TBX15: variants seen among roughly 807,000 people sequenced by gnomAD.
TBX15 encodes the protein T-box transcription factor TBX15.
In TBX15, 18 loss-of-function variants were observed where a neutral mutation model predicts 53.9. The observed-to-expected ratio is 0.33, with a 90% confidence interval of 0.23 to 0.49. The LOEUF is 0.49. Ranked by LOEUF, TBX15 falls within the 20% of genes least tolerant of loss-of-function variation. The pLI, the probability that TBX15 is intolerant of heterozygous loss-of-function variation, is 0.98. For synonymous variants in TBX15, 295 were observed against 278.0 expected, an observed-to-expected ratio of 1.06 and a Z score of -0.61; for missense variants, 692 against 749.5, an observed-to-expected ratio of 0.92 and a Z score of 0.90.
chr1:118,914,726 T>C (rs991705099), intron 5 of TBX15, among the ~76,000 whole-genome samples: 2 of 152,176 alleles, frequency 1.3e-5, no homozygotes, highest in Non-Finnish European at 2.9e-5. Context: ...TAGAAATTAT[T>C]CATTTAATGA....
intron 1 of TBX15, among the ~76,000 whole-genome samples, chr1:118,981,303 TACACACACACAC>T (rs35594301): frequency 2.0e-5 from 3 of 146,726 alleles, no homozygotes; most frequent in African/African-American, 7.6e-5. Context: ...TTAAACTAGC[TACACACACACAC>T]ACACACACAC....
chr1:118,908,104 T>G (rs1370271105), intron 6 of TBX15, among the ~76,000 whole-genome samples: 1 of 152,174 alleles, frequency 6.6e-6, no homozygotes, highest in Non-Finnish European at 1.5e-5. Context: ...TTATGTGGTG[T>G]TCAAAACTAG....
At chr1:118,978,767 T>A (rs150690058) in intron 1 of TBX15, among the ~76,000 whole-genome samples, 3 of 152,328 alleles carry the variant, frequency 2.0e-5, no homozygotes, top group African/African-American at 7.2e-5. Flanking sequence ...GCAAGTTTGT[T>A]TATACCTTTA....
intron 1 of TBX15, among the ~76,000 whole-genome samples, chr1:118,935,181 A>G (rs1447505923): frequency 1.3e-5 from 2 of 152,184 alleles, no homozygotes; most frequent in Non-Finnish European, 2.9e-5. Context: ...TGTAAAATAC[A>G]TTTCTAAATC....
chr1:118,885,184 G>C lies in TBX15; in HGVS notation c.1357C>G (p.Pro453Ala). 1 of 1,614,198 alleles carries C rather than the reference G, an allele frequency of 6.2e-7. No homozygotes were observed. Among genetic ancestry groups the C allele is most frequent in the Non-Finnish European group, 8.5e-7 (1 of 1,180,024 alleles). ...TPSLISGIPT[P>A]PSLPGNSKME... ...TTGCTGTTGCCAGGCAACGAGGGAG[G>C]AGTTGGTATTCCTGAGATCAGGGAT... The change falls in exon 8 of 8, where the codon CCT becomes GCT. Residue 453 changes from proline (P) to alanine (A), a missense_variant. Physicochemically the swap from Pro to Ala is conservative, Grantham distance 27. This residue lies in a region of TBX15 where 375 missense variants were observed against 371.6 expected (regional missense o/e 1.01). Coordinates refer to ENST00000369429, the MANE Select transcript of TBX15 (RefSeq NM_001330677.2).
intron 7 of TBX15, 109 bp from the exon 8 acceptor site, chr1:118,885,625 G>C (rs910722916): frequency 7.4e-7 from 1 of 1,345,396 alleles, no homozygotes; most frequent in African/African-American, 1.4e-5. Context: ...AGATAGGGCT[G>C]ATTTTTACAG....
At chr1:118,951,649 T>TCAACA (rs555489574) in intron 1 of TBX15, among the ~76,000 whole-genome samples, 3,308 of 152,292 alleles carry the variant, frequency 0.022, 62 homozygotes, top group Non-Finnish European at 0.035. Context: ...TTGCAACATC[T>TCAACA]TATTGTTCCT....
At chr1:118,924,264 A>G (rs950570401) in intron 4 of TBX15, among the ~76,000 whole-genome samples, 7 of 152,138 alleles carry the variant, frequency 4.6e-5, no homozygotes, top group African/African-American at 1.7e-4. Flanking sequence ...ATTCTTGACA[A>G]ATTAGCTGAA....
Position 118,909,007 on chromosome 1 carries a change from G to T in TBX15, c.926+5108C>A, listed in dbSNP as rs544387802. Reference sequence around the variant, plus strand: ...CTTAATTACTTGGTAATGGAAAGTAGCAGTTCCATAAGTCAAGTCTGAAGG... The same window carrying T: ...CTTAATTACTTGGTAATGGAAAGTATCAGTTCCATAAGTCAAGTCTGAAGG... On this transcript the variant is annotated intron_variant, in intron 6 of 7. Transcript: ENST00000369429. Among the ~76,000 whole-genome samples, 10 of 152,190 alleles carry T rather than the reference G, an allele frequency of 6.6e-5. No homozygotes were observed. In the South Asian group the frequency reaches 1.7e-3, roughly 25 times the overall value.
intron 5 of TBX15, among the ~76,000 whole-genome samples, chr1:118,915,781 A>G (rs948726109): frequency 6.6e-6 from 1 of 152,152 alleles, no homozygotes; most frequent in African/African-American, 2.4e-5. Flanking sequence ...CAACTCATTT[A>G]TGATAGGGAT....
chr1:118,921,471 C>G (rs144365683), intron 5 of TBX15, among the ~76,000 whole-genome samples: 1 of 152,272 alleles, frequency 6.6e-6, no homozygotes, highest in South Asian at 2.1e-4. Flanking sequence ...AATTAGAATT[C>G]CAGAGCTTTC....
intron 6 of TBX15, among the ~76,000 whole-genome samples, chr1:118,900,081 C>T (rs898351656): frequency 3.9e-5 from 6 of 152,062 alleles, no homozygotes; most frequent in African/African-American, 1.2e-4. Context: ...TTGTTTGAAG[C>T]TTTGAACACA....
chr1:118,926,948 A>G (rs1198741948), intron 2 of TBX15, among the ~76,000 whole-genome samples: 1 of 151,510 alleles, frequency 6.6e-6, no homozygotes, highest in Non-Finnish European at 1.5e-5. Flanking sequence ...CTGATCTCGA[A>G]CTCCTGACCT....
rs1226280671 is a variant in TBX15, at chr1:118,885,641, T to C, written c.1025-125A>G. The C allele has an allele frequency of 6.7e-6, 8 of 1,191,558 alleles. No homozygotes were observed. In the African/African-American group the frequency reaches 1.2e-4, roughly 18 times the overall value. 73.8% of individuals were successfully genotyped at this position (1,191,558 alleles called of 1,614,324 possible). On this transcript the variant is annotated intron_variant, in intron 7 of 7. Transcript: ENST00000369429. ...GATAGGGCTGATTTTTACAGAACCA[T>C]TTTTCCTCTTAACTCAGCAGACCTA...
intron 7 of TBX15, among the ~76,000 whole-genome samples, chr1:118,893,075 CA>C (rs1208762088): frequency 1.3e-5 from 2 of 151,532 alleles, no homozygotes; most frequent in Non-Finnish European, 2.9e-5. Flanking sequence ...CACGTCTCTA[CA>C]AAAAATACAA....
intron 1 of TBX15, among the ~76,000 whole-genome samples, chr1:118,936,016 G>T (rs1453559542): frequency 6.6e-6 from 1 of 152,138 alleles, no homozygotes; most frequent in Non-Finnish European, 1.5e-5. Flanking sequence ...AGCCAAAACA[G>T]CTGGCAACTC....
At chr1:118,979,344 A>AG (rs1399107100) in intron 1 of TBX15, among the ~76,000 whole-genome samples, 1 of 151,582 alleles carries the variant, frequency 6.6e-6, no homozygotes, top group Non-Finnish European at 1.5e-5. Context: ...TTAGGCACCC[A>AG]GGGATCCTCC....
chr1:118,911,127 G>C (rs926874443), intron 6 of TBX15, among the ~76,000 whole-genome samples: 2 of 152,172 alleles, frequency 1.3e-5, no homozygotes, highest in Non-Finnish European at 2.9e-5. Context: ...AAGTCAGGCA[G>C]AGTCGGTTTT....
intron 1 of TBX15, among the ~76,000 whole-genome samples, chr1:118,982,528 G>C (rs1050875611): frequency 2.6e-5 from 4 of 152,140 alleles, no homozygotes; most frequent in Admixed American, 2.6e-4. Flanking sequence ...CGAGGAACTC[G>C]TTTCCATGTT....
Sources: gnomAD v4.1 joint callset for allele counts (sites outside exome capture counted in the v4.1 genomes callset) on GRCh38, gnomAD v4.1.1 for gene constraint, gnomAD v4.1.1 regional missense constraint, MANE v1.5 for transcripts, NCBI Gene and HGNC (gene_info 2026-07-23, HGNC 2026-07-21) for gene names.